SRBD1: variants seen among roughly 807,000 people sequenced by gnomAD.
The protein encoded by SRBD1 is S1 RNA binding domain 1.
Under a neutral mutation model 115.3 loss-of-function variants are expected in SRBD1, and 88 were observed. The observed-to-expected ratio is 0.76, with a 90% CI of 0.64 to 0.91. The LOEUF is 0.91. SRBD1 is among the 40% of genes least tolerant of loss of function. The pLI is 0.00. For missense variants in SRBD1, 1,385 were observed against 1,177.4 expected, an observed-to-expected ratio of 1.18 and a Z score of -2.58; for synonymous variants, 509 against 407.7, an observed-to-expected ratio of 1.25 and a Z score of -2.99.
chr2:45,574,185 T>C (rs1225101387), intron 8 of SRBD1, among the ~76,000 whole-genome samples: 1 of 152,180 alleles, frequency 6.6e-6, no homozygotes, highest in East Asian at 1.9e-4. Flanking sequence ...TGGAGGTCAG[T>C]ACTTTTATTC....
chr2:45,605,510 T>G (rs1045756201), intron 1 of SRBD1, 69 bp from the exon 2 acceptor site: 3 of 1,388,124 alleles, frequency 2.2e-6, no homozygotes, highest in Admixed American at 1.9e-5. Flanking sequence ...CTACAAGTAA[T>G]GGGTCATTCA....
rs555162879 is a variant in SRBD1 at position 45,528,195 on chromosome 2, C to T, written c.1874+18537G>A. 2.6e-5 allele frequency among the ~76,000 whole-genome samples: 4 copies of T among 151,852 alleles called. No individual in the cohort carries two copies. In the South Asian group the frequency reaches 8.3e-4, roughly 32 times the overall value. On this transcript the variant is annotated intron_variant, in intron 14 of 20. Coordinates refer to ENST00000263736, the MANE Select transcript of SRBD1 (RefSeq NM_018079.5). ...CAATGGCATAATGTAAAAATAAATACGGAGACCCAGATTATAAATGCTTGA... is the reference window on the plus strand; with the variant it reads ...CAATGGCATAATGTAAAAATAAATATGGAGACCCAGATTATAAATGCTTGA...
chr2:45,603,093 C>T (rs552645950), intron 2 of SRBD1, among the ~76,000 whole-genome samples: 1 of 152,284 alleles, frequency 6.6e-6, no homozygotes, highest in African/African-American at 2.4e-5. Context: ...TTCCACTCCT[C>T]ATACTATCAT....
At chr2:45,391,390 A>G (rs374021976) in intron 20 of SRBD1, among the ~76,000 whole-genome samples, 27 of 152,362 alleles carry the variant, frequency 1.8e-4, no homozygotes, top group African/African-American at 6.5e-4. Context: ...AATTATTATG[A>G]GTAAAGAATG....
At chr2:45,404,301 G>A (rs1667369664) in intron 19 of SRBD1, among the ~76,000 whole-genome samples, 1 of 152,104 alleles carries the variant, frequency 6.6e-6, no homozygotes, top group African/African-American at 2.4e-5. Context: ...GATACAGTTT[G>A]GAAGAGTGTT....
intron 16 of SRBD1, among the ~76,000 whole-genome samples, chr2:45,432,970 A>G (rs529962346): frequency 2.0e-5 from 3 of 152,118 alleles, no homozygotes; most frequent in African/African-American, 7.2e-5. Flanking sequence ...AACAACTATT[A>G]TTTTTTTAAA....
intron 14 of SRBD1, among the ~76,000 whole-genome samples, chr2:45,510,034 T>G (rs1472302413): frequency 6.6e-6 from 1 of 152,208 alleles, no homozygotes; most frequent in Non-Finnish European, 1.5e-5. Context: ...CATGCCCAGC[T>G]AGATATTTTT....
rs1416364714 is a variant in SRBD1, at chr2:45,610,906, C to A, written c.-1+313G>T. 4.1e-5 allele frequency among the ~76,000 whole-genome samples: 6 copies of A among 145,162 alleles called. No individual in the cohort carries two copies. The East Asian group carries it at 1.2e-3, about 30-fold the overall frequency. ...TCGCTCCACTACACTCCAGCCTGGG[C>A]GACAGAGGGAGACTCCGTCTCAAAA... On this transcript the variant is annotated intron_variant, in intron 1 of 20. Transcript: ENST00000263736.
intron 16 of SRBD1, among the ~76,000 whole-genome samples, chr2:45,460,953 C>A (rs746504497): frequency 1.8e-4 from 27 of 152,274 alleles, no homozygotes; most frequent in Non-Finnish European, 3.4e-4. Flanking sequence ...TACAAAGTCA[C>A]CAGGAATGAC....
At chr2:45,534,620 A>C (rs1209509014) in intron 14 of SRBD1, among the ~76,000 whole-genome samples, 1 of 151,970 alleles carries the variant, frequency 6.6e-6, no homozygotes, top group South Asian at 2.1e-4. Context: ...CATTCCTAGA[A>C]AACTGCATAT....
intron 16 of SRBD1, among the ~76,000 whole-genome samples, chr2:45,444,242 C>T (rs1668755018): frequency 6.6e-6 from 1 of 151,798 alleles, no homozygotes. Flanking sequence ...CCTAACTTTA[C>T]AAAAAAAATT....
intron 19 of SRBD1, among the ~76,000 whole-genome samples, chr2:45,402,236 T>C (rs1368896056): frequency 1.3e-5 from 2 of 152,166 alleles, no homozygotes; most frequent in Non-Finnish European, 2.9e-5. Flanking sequence ...TAATCTACTT[T>C]TGGTTCTAAA....
At chr2:45,458,727 C>T (rs1425497923) in intron 16 of SRBD1, among the ~76,000 whole-genome samples, 4 of 152,022 alleles carry the variant, frequency 2.6e-5, no homozygotes, top group Non-Finnish European at 5.9e-5. Context: ...AGAGTTACAC[C>T]AATACTTCCT....
At position 45,487,948 on chromosome 2, in the gene SRBD1, G is replaced by T. The variant is rs549057238; in HGVS notation, c.1966+292C>A. 1.2e-3 allele frequency among the ~76,000 whole-genome samples: 185 copies of T among 152,076 alleles called. 2 individuals carry two copies. Among genetic ancestry groups the T allele is most frequent in the African/African-American group, 4.2e-3 (176 of 41,498 alleles). The stretch of plus-strand genomic sequence containing the variant: ...ATTACAGGTTTGAGCCACCGCACCC[G>T]GCCTATTATTTTTATTACTGAACTC... On this transcript the variant is annotated intron_variant, in intron 15 of 20. Coordinates refer to ENST00000263736, the MANE Select transcript of SRBD1 (RefSeq NM_018079.5).
At chr2:45,462,156 C>G (rs1214571516) in intron 16 of SRBD1, among the ~76,000 whole-genome samples, 4 of 152,200 alleles carry the variant, frequency 2.6e-5, no homozygotes, top group Non-Finnish European at 4.4e-5. Context: ...GGCTTTTTCA[C>G]TGCACTCGCA....
intron 4 of SRBD1, among the ~76,000 whole-genome samples, chr2:45,594,025 TG>T (rs1673810525): frequency 6.6e-6 from 1 of 152,222 alleles, no homozygotes; most frequent in Admixed American, 6.5e-5. Flanking sequence ...AAAAAAAGGT[TG>T]TTTTTTAAAA....
At chr2:45,498,903 A>G (rs1670543190) in intron 14 of SRBD1, among the ~76,000 whole-genome samples, 1 of 152,176 alleles carries the variant, frequency 6.6e-6, no homozygotes, top group Non-Finnish European at 1.5e-5. Flanking sequence ...CAGCTGACAG[A>G]CACTTAGATT....
chr2:45,585,484 C>T, intron 5 of SRBD1, 124 bp downstream of exon 5: 2 of 1,046,786 alleles, frequency 1.9e-6, no homozygotes, highest in East Asian at 2.6e-5. Flanking sequence ...GGACTATATC[C>T]AGATTACAAT....
At chr2:45,524,309 G>A (rs1016080956) in intron 14 of SRBD1, among the ~76,000 whole-genome samples, 3 of 151,832 alleles carry the variant, frequency 2.0e-5, no homozygotes, top group Admixed American at 1.3e-4. Context: ...ATGGTAATTA[G>A]GCAAGAAAAA....
Sources: gnomAD v4.1 joint callset for allele counts (sites outside exome capture counted in the v4.1 genomes callset) on GRCh38, gnomAD v4.1.1 for gene constraint, MANE v1.5 for transcripts, NCBI Gene and HGNC (gene_info 2026-07-23, HGNC 2026-07-21) for gene names.